The following NLGN1 variants were observed in gnomAD, a reference collection of about 807,000 sequenced individuals.
NLGN1 encodes neuroligin-1.
In NLGN1, 12 loss-of-function variants were observed where a neutral mutation model predicts 65.5. The observed-to-expected ratio is 0.18, with a 90% confidence interval of 0.12 to 0.30. NLGN1 has a LOEUF of 0.30. Among genes scored for constraint, NLGN1 ranks in the 10% least tolerant of loss-of-function variants. NLGN1 has a pLI of 1.00. For missense variants in NLGN1, 750 were observed against 1,007.1 expected, an observed-to-expected ratio of 0.74 and a Z score of 3.46; for synonymous variants, 350 against 359.5, an observed-to-expected ratio of 0.97 and a Z score of 0.30.
intron 3 of NLGN1, among the ~76,000 whole-genome samples, chr3:173,688,402 TG>T (rs1764982742): frequency 6.6e-6 from 1 of 152,226 alleles, no homozygotes; most frequent in Non-Finnish European, 1.5e-5. Flanking sequence ...CTTTGAGTTT[TG>T]GCCTCCTAAA....
At chr3:173,848,913 C>T (rs147331542) in intron 4 of NLGN1, among the ~76,000 whole-genome samples, 1,650 of 152,042 alleles carry the variant, frequency 0.011, 19 homozygotes, top group Non-Finnish European at 0.019. Flanking sequence ...TCTTTTTAAA[C>T]AAAACTCATA....
chr3:174,030,324 C>T (rs904169030), intron 4 of NLGN1, among the ~76,000 whole-genome samples: 2 of 151,992 alleles, frequency 1.3e-5, no homozygotes, highest in African/African-American at 4.8e-5. Flanking sequence ...TGGGGTTTCA[C>T]CATGTTGGCC....
intron 4 of NLGN1, among the ~76,000 whole-genome samples, chr3:174,045,659 T>G (rs1269154025): frequency 6.6e-6 from 1 of 152,160 alleles, no homozygotes; most frequent in Non-Finnish European, 1.5e-5. Context: ...AATAAGCATA[T>G]TTGATTCTAT....
At chr3:173,890,344 C>T (rs1735101598) in intron 4 of NLGN1, among the ~76,000 whole-genome samples, 1 of 152,232 alleles carries the variant, frequency 6.6e-6, no homozygotes, top group East Asian at 1.9e-4. Context: ...TGTTTAGTCC[C>T]TGGGTGACCA....
At chr3:173,709,730 G>T (rs1460194418) in intron 3 of NLGN1, among the ~76,000 whole-genome samples, 2 of 149,978 alleles carry the variant, frequency 1.3e-5, no homozygotes, top group Non-Finnish European at 3.0e-5. Flanking sequence ...TTGAATCTGG[G>T]AGGCGGAGGT....
intron 3 of NLGN1, among the ~76,000 whole-genome samples, chr3:173,632,240 A>C (rs1283356451): frequency 6.6e-6 from 1 of 152,160 alleles, no homozygotes; most frequent in Non-Finnish European, 1.5e-5. Flanking sequence ...TATGCTGTAC[A>C]TATCACTTTG....
At chr3:173,683,228 CGTT>C in intron 3 of NLGN1, among the ~76,000 whole-genome samples, 1 of 152,122 alleles carries the variant, frequency 6.6e-6, no homozygotes, top group East Asian at 1.9e-4. Flanking sequence ...ATTTTTATCC[CGTT>C]GTTGTCTCAG....
intron 4 of NLGN1, among the ~76,000 whole-genome samples, chr3:173,943,018 AG>A (rs1746434561): frequency 6.6e-6 from 1 of 152,106 alleles, no homozygotes; most frequent in Admixed American, 6.6e-5. Flanking sequence ...TGAGACCAGG[AG>A]TCTGAGACCC....
intron 3 of NLGN1, among the ~76,000 whole-genome samples, chr3:173,744,865 T>G (rs11920792): frequency 0.083 from 12,601 of 151,894 alleles, 503 homozygotes; most frequent in Middle Eastern, 0.13. Context: ...TCTGCTGGGA[T>G]GGATCTGATA....
At chr3:173,398,772 G>C (rs1717092494) in intron 1 of NLGN1, among the ~76,000 whole-genome samples, 1 of 152,142 alleles carries the variant, frequency 6.6e-6, no homozygotes, top group Admixed American at 6.5e-5. Flanking sequence ...TTTACAGGTA[G>C]TTAATATACT....
chr3:173,697,739 A>G (rs1053610734), intron 3 of NLGN1, among the ~76,000 whole-genome samples: 1 of 152,152 alleles, frequency 6.6e-6, no homozygotes, highest in African/African-American at 2.4e-5. Flanking sequence ...TGTGTTGGTC[A>G]GGCTGGTCTC....
rs9824291 is a variant in NLGN1, at chr3:173,449,950, G to C, written c.-321+14872G>C. ...CTCCATTCCTTTATTTTGAGCCTGT[G>C]TGTGTCTCTGCACATGAGATGGGTT... On this transcript the variant is annotated intron_variant, in intron 2 of 6. Coordinates refer to ENST00000457714, the Ensembl canonical transcript of NLGN1. Among the ~76,000 whole-genome samples the C allele has an allele frequency of 3.8e-3, 586 of 152,250 alleles. 4 individuals are homozygous for C. The highest frequency in any genetic ancestry group is 0.013 in the African/African-American group (549 of 41,536).
intron 2 of NLGN1, among the ~76,000 whole-genome samples, chr3:173,595,238 G>T (rs760290013): frequency 6.6e-6 from 1 of 152,040 alleles, no homozygotes; most frequent in African/African-American, 2.4e-5. Context: ...GCCTTTAACA[G>T]CTCCCAAGTC....
rs150855816 is a variant in NLGN1 at position 173,865,781 on chromosome 3, C to T, written c.646+57949C>T. ...TATTTATGCTTCAAAATGAATGATC[C>T]GAAAGAAGGCTTTGATGTGCATAAA... On this transcript the variant is annotated intron_variant, in intron 4 of 6. Transcript: ENST00000457714. Among the ~76,000 whole-genome samples the T allele has an allele frequency of 7.0e-4, 107 of 152,142 alleles. No individual in the cohort carries two copies. The Middle Eastern group carries it at 0.02, about 29-fold the overall frequency.
At position 173,784,431 on chromosome 3, in the gene NLGN1, C is replaced by A. The variant is rs191416600; in HGVS notation, c.494-23249C>A. Among the ~76,000 whole-genome samples, 207 of 152,232 alleles carry A rather than the reference C, an allele frequency of 1.4e-3. 1 individual carries two copies. Among genetic ancestry groups the A allele is most frequent in the Non-Finnish European group, 1.5e-3 (104 of 68,012 alleles). On this transcript the variant is annotated intron_variant, in intron 3 of 6. Transcript: ENST00000457714. ...TTTTATCTACCTCCTCTCCCACAGGCATGCTCAACAGGGACATACAGAGGG... is the reference window on the plus strand; with the variant it reads ...TTTTATCTACCTCCTCTCCCACAGGAATGCTCAACAGGGACATACAGAGGG...
At chr3:173,699,434 A>G (rs1766773129) in intron 3 of NLGN1, among the ~76,000 whole-genome samples, 1 of 152,170 alleles carries the variant, frequency 6.6e-6, no homozygotes, top group East Asian at 1.9e-4. Context: ...TTCTAACCTG[A>G]TATTCTTATT....
intron 2 of NLGN1, among the ~76,000 whole-genome samples, chr3:173,519,385 C>T (rs534379372): frequency 5.1e-4 from 77 of 152,244 alleles, no homozygotes; most frequent in Admixed American, 4.5e-3. Context: ...GTAGATCTAC[C>T]GGCAGCTTGC....
chr3:174,214,808 C>T (rs1737307484), intron 4 of NLGN1, among the ~76,000 whole-genome samples: 1 of 152,094 alleles, frequency 6.6e-6, no homozygotes, highest in East Asian at 1.9e-4. Flanking sequence ...CATAATCCTA[C>T]CCTGAGTTCC....
intron 4 of NLGN1, among the ~76,000 whole-genome samples, chr3:174,117,580 T>C (rs1297060348): frequency 2.5e-4 from 37 of 150,326 alleles, no homozygotes; most frequent in Admixed American, 1.7e-3. Flanking sequence ...GAGATCACGC[T>C]ACTGCACTCC....
Sources: gnomAD v4.1 joint callset for allele counts (sites outside exome capture counted in the v4.1 genomes callset) on GRCh38, gnomAD v4.1.1 for gene constraint, MANE v1.5 for transcripts, NCBI Gene and HGNC (gene_info 2026-07-23, HGNC 2026-07-21) for gene names.